Variants in ABR observed in about 807,000 individuals in gnomAD.
The protein encoded by ABR is active breakpoint cluster region-related protein.
ABR carries 35 observed loss-of-function variants against 107.2 expected under a neutral mutation model. The observed-to-expected ratio is 0.33, with a 90% CI of 0.25 to 0.43. The LOEUF (loss-of-function observed/expected upper bound fraction) is 0.43. Ranked by LOEUF, ABR falls within the 20% of genes least tolerant of loss-of-function variation. The pLI, the probability that ABR is intolerant of heterozygous loss-of-function variation, is 1.00. For missense variants in ABR, 815 were observed against 1,115.2 expected, an observed-to-expected ratio of 0.73 and a Z score of 3.83; for synonymous variants, 498 against 462.0, an observed-to-expected ratio of 1.08 and a Z score of -1.00.
chr17:1,065,309 A>G lies in ABR; in HGVS notation c.1182+1768T>C, dbSNP rs1263841990. Among the ~76,000 whole-genome samples, 9 of 32,382 alleles carry G rather than the reference A, an allele frequency of 2.8e-4. 1 individual carries two copies. The highest frequency in any genetic ancestry group is 2.7e-3 in the Admixed American group (8 of 3,000). The allele number at this position is 32,382 out of a possible 152,430, so 21.2% of individuals were successfully genotyped here. On this transcript the variant is annotated intron_variant, in intron 10 of 22. Transcript: ENST00000302538. ...GAGGGCTATGCATGTTCCTCTAGAC[A>G]CTGTTGTTACGTGAACTGAGGGCTA...
chr17:1,019,333 C>A (rs926435658), intron 16 of ABR, among the ~76,000 whole-genome samples: 1 of 152,256 alleles, frequency 6.6e-6, no homozygotes, highest in Non-Finnish European at 1.5e-5. Flanking sequence ...TCTGCAGCCT[C>A]CCAGGCGACA....
At chr17:1,012,375 C>T (rs747843793) in intron 18 of ABR, 62 of 656,944 alleles carry the variant, frequency 9.4e-5, no homozygotes, top group African/African-American at 2.0e-4. Flanking sequence ...CCCGAGGGGC[C>T]GCCAGTCCCC....
At chr17:1,135,386 T>C (rs541605843) in intron 1 of ABR, among the ~76,000 whole-genome samples, 1 of 150,454 alleles carries the variant, frequency 6.6e-6, no homozygotes, top group African/African-American at 2.4e-5. Flanking sequence ...TCTTTTTTTT[T>C]TTTTTTTGAG....
intron 16 of ABR, among the ~76,000 whole-genome samples, chr17:1,030,392 T>A (rs983914561): frequency 3.3e-5 from 5 of 152,196 alleles, no homozygotes; most frequent in East Asian, 3.9e-4. Flanking sequence ...CCTGCTGGCC[T>A]CAGCAGGGGC....
chr17:1,175,092 T>C (rs2041871642), intron 1 of ABR, among the ~76,000 whole-genome samples: 1 of 151,308 alleles, frequency 6.6e-6, no homozygotes, highest in South Asian at 2.1e-4. Context: ...GCAGAAAGGG[T>C]GATTAAAGAC....
intron 10 of ABR, among the ~76,000 whole-genome samples, chr17:1,061,210 C>T (rs1366548816): frequency 1.3e-5 from 2 of 151,836 alleles, no homozygotes; most frequent in South Asian, 4.2e-4. Context: ...GTTGACTCGA[C>T]TGGGCACAAG....
intron 4 of ABR, among the ~76,000 whole-genome samples, chr17:1,088,590 T>C (rs1375192342): frequency 6.6e-6 from 1 of 152,074 alleles, no homozygotes; most frequent in African/African-American, 2.4e-5. Context: ...TATTGTATTC[T>C]ATTTCTTTTT....
chr17:1,153,011 C>G (rs2040862381), intron 1 of ABR, among the ~76,000 whole-genome samples: 1 of 151,946 alleles, frequency 6.6e-6, no homozygotes, highest in South Asian at 2.1e-4. Context: ...ATCGCCTGAA[C>G]CAATGAGCCG....
At chr17:1,062,114 A>T (rs1333354354) in intron 10 of ABR, among the ~76,000 whole-genome samples, 2 of 152,174 alleles carry the variant, frequency 1.3e-5, no homozygotes, top group African/African-American at 4.8e-5. Flanking sequence ...AGGAAAACAG[A>T]CCAAGCTGAC....
At chr17:1,057,511 G>T (rs1214324300) in intron 12 of ABR, among the ~76,000 whole-genome samples, 1 of 152,046 alleles carries the variant, frequency 6.6e-6, no homozygotes, top group Admixed American at 6.6e-5. Flanking sequence ...CTGAGTAGCT[G>T]GGATTACAGG....
At chr17:1,098,632 A>G (rs2037650781) in intron 3 of ABR, among the ~76,000 whole-genome samples, 1 of 152,220 alleles carries the variant, frequency 6.6e-6, no homozygotes, top group South Asian at 2.1e-4. Context: ...GAAACAGTGC[A>G]ATACGCCTGC....
At chr17:1,129,572 G>A (rs997011709) in intron 1 of ABR, among the ~76,000 whole-genome samples, 1 of 152,122 alleles carries the variant, frequency 6.6e-6, no homozygotes, top group Admixed American at 6.6e-5. Context: ...AAAGATTCAT[G>A]CACTTCAGCA....
At chr17:1,214,320 A>G (rs552124293) in intron 1 of ABR, among the ~76,000 whole-genome samples, 2 of 138,298 alleles carry the variant, frequency 1.4e-5, no homozygotes, top group East Asian at 2.6e-4. Context: ...TTTGGAATCT[A>G]TGATACTAGG....
At chr17:1,113,373 GC>G (rs952158242) in intron 2 of ABR, among the ~76,000 whole-genome samples, 5 of 134,374 alleles carry the variant, frequency 3.7e-5, no homozygotes, top group African/African-American at 1.4e-4. Flanking sequence ...TGCAACCTCC[GC>G]CTCCTCGGTT....
intron 6 of ABR, among the ~76,000 whole-genome samples, chr17:1,075,337 C>T (rs1487217030): frequency 6.6e-6 from 1 of 152,274 alleles, no homozygotes; most frequent in Non-Finnish European, 1.5e-5. Context: ...AGAAGGATCC[C>T]AGACTGGGTG....
chr17:1,121,623 G>T (rs935785053), intron 2 of ABR, among the ~76,000 whole-genome samples: 1 of 149,400 alleles, frequency 6.7e-6, no homozygotes, highest in Admixed American at 6.6e-5. Flanking sequence ...CCAAGGCAGG[G>T]CTCTGAGCCC....
chr17:1,013,247 G>A (rs1034167240), intron 16 of ABR, 83 bp from the exon 17 acceptor site: 6 of 1,319,416 alleles, frequency 4.5e-6, no homozygotes, highest in East Asian at 4.6e-5. Flanking sequence ...ACTGCTCAGA[G>A]CCAGCTACAC....
intron 16 of ABR, among the ~76,000 whole-genome samples, chr17:1,041,391 T>G (rs1227471903): frequency 3.3e-5 from 5 of 152,210 alleles, no homozygotes; most frequent in Non-Finnish European, 5.9e-5. Context: ...TGTGAGATCC[T>G]TTAAGCCAGT....
upstream of ABR, among the ~76,000 whole-genome samples, chr17:1,190,671 G>A (rs1412560696): frequency 5.9e-5 from 9 of 152,066 alleles, no homozygotes; most frequent in East Asian, 3.9e-4. Context: ...CTTATGTTTC[G>A]GGGAGGGAGG....
Sources: allele counts gnomAD v4.1 joint callset (sites outside exome capture counted in the v4.1 genomes callset), GRCh38; gene constraint gnomAD v4.1.1; transcripts MANE v1.5; gene names NCBI Gene and HGNC (gene_info 2026-07-23, HGNC 2026-07-21).